Variants in CIBAR1 observed in about 807,000 individuals in gnomAD.
CIBAR1 encodes CBY1 interacting BAR domain containing 1.
In CIBAR1, 25 loss-of-function variants were observed where a neutral mutation model predicts 44.0. That is an observed-to-expected ratio of 0.57 (90% CI 0.41 to 0.79). The LOEUF is 0.79. Ranked by LOEUF, CIBAR1 falls within the 30% of genes least tolerant of loss-of-function variation. The pLI is 0.00. For synonymous variants in CIBAR1, 115 were observed against 119.0 expected (o/e 0.97, Z 0.22); for missense variants, 278 against 344.8 (o/e 0.81, Z 1.53).
chr8:93,716,927 C>G (rs990727907), intron 6 of CIBAR1, among the ~76,000 whole-genome samples: 1 of 152,144 alleles, frequency 6.6e-6, no homozygotes, highest in Admixed American at 6.5e-5. Context: ...CGAAAATGTT[C>G]TTAAAACCTT....
intron 6 of CIBAR1, chr8:93,715,559 CTG>C (rs1811008389): frequency 6.6e-6 from 1 of 152,106 alleles, no homozygotes; most frequent in South Asian, 2.1e-4. Flanking sequence ...TAAACATTGT[CTG>C]TGTGCCAGGT....
At chr8:93,727,945 T>TA (rs765681338) in intron 8 of CIBAR1, among the ~76,000 whole-genome samples, 1 of 152,130 alleles carries the variant, frequency 6.6e-6, no homozygotes, top group Non-Finnish European at 1.5e-5. Flanking sequence ...TCTATACTTT[T>TA]AATGTTTTTG....
Position 93,701,316 on chromosome 8 carries a change from A to G in CIBAR1, c.119A>G (p.Lys40Arg). The G allele has an allele frequency of 6.2e-7, 1 of 1,613,916 alleles. No individual in the cohort carries two copies. Among genetic ancestry groups the G allele is most frequent in the Non-Finnish European group, 8.5e-7 (1 of 1,179,860 alleles). Residue 40 changes from lysine to arginine, a missense_variant, in exon 2 of 9, where the codon AAA becomes AGA. Lys to Arg is a conservative substitution (Grantham distance 26). Coordinates refer to ENST00000518322, the MANE Select transcript of CIBAR1 (RefSeq NM_145269.5). ...CAAATCTTCGCTGCCTATGTGCGGA[A>G]AACTGCCAGGCTGAGAGACAAAGCA... is the stretch of plus-strand genomic sequence containing the variant. ...LCQIFAAYVRKTARLRDKADL... is the reference protein window; with the variant it reads ...LCQIFAAYVRRTARLRDKADL...
chr8:93,722,162 G>T (rs1001462698), intron 7 of CIBAR1, among the ~76,000 whole-genome samples: 1 of 152,180 alleles, frequency 6.6e-6, no homozygotes, highest in African/African-American at 2.4e-5. Flanking sequence ...GGAACCAGGG[G>T]AAGTAACTAA....
intron 7 of CIBAR1, among the ~76,000 whole-genome samples, chr8:93,725,129 T>A (rs1393510974): frequency 1.3e-5 from 2 of 152,038 alleles, no homozygotes; most frequent in African/African-American, 4.8e-5. Flanking sequence ...ACTACAAGCA[T>A]GCACCACCAC....
In CIBAR1 at chr8:93,704,918, A is replaced by G; in HGVS notation, c.340A>G (p.Lys114Glu). The G allele has an allele frequency of 1.3e-6, 2 of 1,597,750 alleles. No individual in the cohort carries two copies. ...AAATGCCAATTTGCAGGATGACCTC[A>G]AAGCAACACTCACAGCAAGGAATCG... ...TIVKMKRDDL[K>E]ATLTARNREA... is the part of the protein sequence containing the mutation. The change falls in exon 4 of 9, where the codon AAA becomes GAA. Residue 114 changes from lysine (K) to glutamate (E), a missense_variant. Around this residue, in one of 3 missense-constraint regions of CIBAR1, gnomAD observed 183 missense variants for 218.6 expected, o/e 0.84. Transcript: ENST00000518322.
intron 1 of CIBAR1, chr8:93,700,988 A>G: frequency 7.2e-7 from 1 of 1,397,852 alleles, no homozygotes; most frequent in South Asian, 1.7e-5. Context: ...CGGAGCAGCC[A>G]CCTCCCCAGT....
At chr8:93,702,162 C>A in intron 2 of CIBAR1, 1 of 378,196 alleles carries the variant, frequency 2.6e-6, no homozygotes. Context: ...TTATACTTTT[C>A]AGAACCTAAA....
At chr8:93,708,998 G>A (rs564713240) in intron 5 of CIBAR1, among the ~76,000 whole-genome samples, 6 of 152,130 alleles carry the variant, frequency 3.9e-5, no homozygotes, top group Non-Finnish European at 8.8e-5. Context: ...GAGATAATAG[G>A]CCAGGTGCGG....
rs756760451 is a variant in CIBAR1 at position 93,730,459 on chromosome 8, G to C, written c.*2162G>C. On this transcript the variant is annotated 3_prime_UTR_variant, in exon 9 of 9. Coordinates refer to ENST00000518322, the MANE Select transcript of CIBAR1 (RefSeq NM_145269.5). ...ACAAATGCCACTGGGTATCAGGCTA[G>C]AGAATACACCTCCAGTGTACCTGGT... 67 of 152,302 alleles carry C rather than the reference G, an allele frequency of 4.4e-4. No individual in the cohort carries two copies. Among genetic ancestry groups the C allele is most frequent in the Middle Eastern group, 6.8e-3 (2 of 294 alleles). 9.4% of individuals were successfully genotyped at this position (152,302 alleles called of 1,614,324 possible).
rs1810328276 is a variant in CIBAR1, at chr8:93,701,063, G to A, written c.27-161G>A. 11 of 1,469,356 alleles carry A rather than the reference G, an allele frequency of 7.5e-6. No homozygotes were observed. In the South Asian group the frequency reaches 1.4e-4, roughly 19 times the overall value. The allele number at this position is 1,469,356 out of a possible 1,614,324, so 91.0% of individuals were successfully genotyped here. A position where few individuals can be genotyped will look rare whatever the true frequency, so the allele number is the denominator to read the frequency against. ...TACACAGTCCGGATAGTGAGGTCAG[G>A]ACCCCATGGAGAGCAGTCCGCGCCG... On this transcript the variant is annotated intron_variant, in intron 1 of 8. Coordinates refer to ENST00000518322, the MANE Select transcript of CIBAR1 (RefSeq NM_145269.5).
chr8:93,711,100 CAT>C (rs1185679466), intron 6 of CIBAR1, among the ~76,000 whole-genome samples: 2 of 152,122 alleles, frequency 1.3e-5, no homozygotes, highest in Non-Finnish European at 2.9e-5. Context: ...TATTCTAACA[CAT>C]ATGTAGATTT....
intron 6 of CIBAR1, among the ~76,000 whole-genome samples, chr8:93,717,857 C>G (rs1811093432): frequency 6.6e-6 from 1 of 152,164 alleles, no homozygotes; most frequent in African/African-American, 2.4e-5. Flanking sequence ...TCCATCTTTT[C>G]CACACCTACT....
chr8:93,714,917 G>A (rs1413208649), intron 6 of CIBAR1, among the ~76,000 whole-genome samples: 2 of 152,160 alleles, frequency 1.3e-5, no homozygotes, highest in Admixed American at 1.3e-4. Context: ...GGGGAGAAAC[G>A]GAACATTCCT....
intron 7 of CIBAR1, 53 bp from the exon 8 acceptor site, chr8:93,726,341 G>C (rs1213726246): frequency 2.7e-6 from 4 of 1,462,718 alleles, no homozygotes; most frequent in East Asian, 2.5e-5. Context: ...TAATTTGACT[G>C]TCTTGATTTT....
At chr8:93,708,063 C>A (rs376246158) in intron 5 of CIBAR1, 47 bp downstream of exon 5, 9 of 1,423,964 alleles carry the variant, frequency 6.3e-6, no homozygotes, top group African/African-American at 1.4e-5. Flanking sequence ...TATAGTAAAC[C>A]CTTTTACTTG....
intron 6 of CIBAR1, among the ~76,000 whole-genome samples, chr8:93,714,022 C>G (rs568800856): frequency 1.3e-5 from 2 of 152,232 alleles, no homozygotes; most frequent in Admixed American, 6.5e-5. Context: ...CGGGTTCTTA[C>G]AAGGATTGTA....
chr8:93,708,708 A>T (rs1316574360), intron 5 of CIBAR1, among the ~76,000 whole-genome samples: 1 of 152,216 alleles, frequency 6.6e-6, no homozygotes, highest in African/African-American at 2.4e-5. Flanking sequence ...AAATATTTGT[A>T]GTGTATATTG....
In CIBAR1 at chr8:93,703,664, T is replaced by C. The variant is rs533893973; in HGVS notation, c.306T>C (p.Tyr102=). ...AAGTAGTTGAACCCTTGAAAACTTA[T>C]GGGACCATTGTGAAAATGAAACGGG... ...EAKVVEPLKT[Y]GTIVKMKRDD... is the part of the protein sequence containing the mutation. Residue 102 remains tyrosine, a synonymous_variant, in exon 3 of 9, where the codon TAT becomes TAC. Coordinates refer to ENST00000518322, the MANE Select transcript of CIBAR1 (RefSeq NM_145269.5). 2.1e-5 allele frequency: 32 copies of C among 1,553,322 alleles called. No individual in the cohort carries two copies. Among genetic ancestry groups the C allele is most frequent in the Admixed American group, 3.9e-5 (2 of 51,294 alleles).
Sources: allele counts gnomAD v4.1 joint callset (sites outside exome capture counted in the v4.1 genomes callset), GRCh38; gene constraint gnomAD v4.1.1; regional missense constraint gnomAD v4.1.1; transcripts MANE v1.5; gene names NCBI Gene and HGNC (gene_info 2026-07-23, HGNC 2026-07-21).